Variants in ZNF862 observed in about 807,000 individuals in gnomAD.
The protein encoded by ZNF862 is zinc finger protein 862.
ZNF862 carries 64 observed loss-of-function variants against 91.1 expected under a neutral mutation model. The ratio of observed to expected loss-of-function variants is 0.70; its 90% CI spans 0.57 to 0.87. The LOEUF (loss-of-function observed/expected upper bound fraction) is 0.87. Among genes scored for constraint, ZNF862 ranks in the 40% least tolerant of loss-of-function variants. The probability of loss-of-function intolerance (pLI) is 0.00; values close to 1 mark genes in which losing one functional copy is unlikely to be tolerated. For missense variants in ZNF862, 1,459 were observed against 1,528.0 expected, an observed-to-expected ratio of 0.95 and a Z score of 0.75; for synonymous variants, 631 against 618.1, an observed-to-expected ratio of 1.02 and a Z score of -0.31.
intron 5 of ZNF862, chr7:149,852,523 A>G (rs1802101954): frequency 1.3e-5 from 2 of 152,252 alleles, no homozygotes. Context: ...CGCATGCCAC[A>G]ACACCTGGCT....
At position 149,861,783 on chromosome 7, in the gene ZNF862, G is replaced by A. The variant is rs370868711; in HGVS notation, c.2623G>A (p.Ala875Thr). The A allele has an allele frequency of 8.1e-6, 13 of 1,613,486 alleles. No homozygotes were observed. The highest frequency in any genetic ancestry group is 8.0e-5 in the African/African-American group (6 of 74,944). The part of the protein sequence containing the change: ...ITEVNATLGR[A>T]YVALESLRHQ... Reference sequence around the variant, plus strand: ...AGAGGTGAACGCCACGCTGGGCCGCGCCTACGTGGCACTGGAGAGCCTCCG... The same window carrying A: ...AGAGGTGAACGCCACGCTGGGCCGCACCTACGTGGCACTGGAGAGCCTCCG... The change falls in exon 7 of 8, where the codon GCC becomes ACC. Residue 875 changes from alanine (A) to threonine (T), a missense_variant. By Grantham distance (58) the Ala-to-Thr change is moderately conservative. Transcript: ENST00000223210. The surrounding 1 kb of genome is among the most constrained non-coding windows in gnomAD (Gnocchi z 6.7).
rs1586081330 is a variant in ZNF862, at chr7:149,866,499, G to C, written c.*2215G>C. ...CTTGAAGAATCCCTCAGAGCAGGAG[G>C]CCATCCTGTGAGCAGCCGTGAGTGG... is the stretch of plus-strand genomic sequence containing the variant. On this transcript the variant is annotated 3_prime_UTR_variant, in exon 8 of 8. Coordinates refer to ENST00000223210, the MANE Select transcript of ZNF862 (RefSeq NM_001099220.3). The C allele has an allele frequency of 6.6e-6, 1 of 152,198 alleles. No individual in the cohort carries two copies. Among genetic ancestry groups the C allele is most frequent in the Non-Finnish European group, 1.5e-5 (1 of 68,082 alleles). The allele number at this position is 152,198 out of a possible 1,614,324, so 9.4% of individuals were successfully genotyped here.
chr7:149,864,015 A>G (rs2128943609), intron 7 of ZNF862, 94 bp from the exon 8 acceptor site: 1 of 1,359,278 alleles, frequency 7.4e-7, no homozygotes, highest in Non-Finnish European at 1.0e-6. Context: ...CTGTTCTGCC[A>G]AGCTTTCCTC....
chr7:149,847,667 C>A (rs981614083), intron 3 of ZNF862, 68 bp from the exon 4 acceptor site: 10 of 1,068,862 alleles, frequency 9.4e-6, no homozygotes, highest in Non-Finnish European at 1.2e-5. Context: ...TACCTCAGAG[C>A]CCCTGTGAGT....
At position 149,846,873 on chromosome 7, in the gene ZNF862, TATC is replaced by T. The variant is rs532914901; in HGVS notation, c.241+621_241+623del. Among the ~76,000 whole-genome samples the T allele has an allele frequency of 9.8e-4, 150 of 152,358 alleles. 1 individual carries two copies. The highest frequency in any genetic ancestry group is 3.5e-3 in the African/African-American group (146 of 41,594). ...TAGACAGCTTTGTGACTCTGGAAAG[TATC>T]ATAGAGACAAATTTGTTTCATTTCC... On this transcript the variant is annotated intron_variant, in intron 3 of 7. Transcript: ENST00000223210.
At chr7:149,846,125 GCT>G (rs1801861648) in intron 2 of ZNF862, 24 bp from the exon 3 acceptor site, 1 of 1,511,220 alleles carries the variant, frequency 6.6e-7, no homozygotes, top group East Asian at 2.3e-5. Flanking sequence ...TCTCTCTCTC[GCT>G]CTCTTTTTTT....
chr7:149,862,337 C>T lies in ZNF862; in HGVS notation c.3177C>T (p.Asn1059=), dbSNP rs369787860. 19 of 1,613,256 alleles carry T rather than the reference C, an allele frequency of 1.2e-5. No individual in the cohort carries two copies. The Middle Eastern group carries it at 4.9e-4, about 42-fold the overall frequency. The change falls in exon 7 of 8, where the codon AAC becomes AAT. Residue 1059 remains asparagine, a synonymous_variant. Coordinates refer to ENST00000223210, the MANE Select transcript of ZNF862 (RefSeq NM_001099220.3). The part of the protein sequence containing the change: ...IRTDERTKLS[N]EVLNMLMMTA... ...CCGATGAGAGGACCAAGCTCTCCAA[C>T]GAGGTGCTCAACATGCTCATGATGA...
intron 4 of ZNF862, among the ~76,000 whole-genome samples, 157 bp downstream of exon 4, chr7:149,848,589 CATT>C (rs896825036): frequency 1.3e-5 from 2 of 152,174 alleles, no homozygotes; most frequent in African/African-American, 4.8e-5. Context: ...ATGGACTAGG[CATT>C]GTTTTAGACG....
At chr7:149,852,830 T>C (rs757522384) in intron 5 of ZNF862, 6 of 152,264 alleles carry the variant, frequency 3.9e-5, no homozygotes, top group African/African-American at 7.2e-5. Context: ...TGTCATCGTA[T>C]GCTGAGTGGC....
At position 149,852,898 on chromosome 7, in the gene ZNF862, G is replaced by A. The variant is rs547959588; in HGVS notation, c.1117+2560G>A. 2.2e-3 allele frequency among the ~76,000 whole-genome samples: 331 copies of A among 152,316 alleles called. 4 individuals carry two copies. In the South Asian group the frequency reaches 0.029, roughly 14 times the overall value. On this transcript the variant is annotated intron_variant, in intron 5 of 7. Coordinates refer to ENST00000223210, the MANE Select transcript of ZNF862 (RefSeq NM_001099220.3). ...AGGAGAAGTCGGTAACTACAGCCAG[G>A]CCTTACAGAGCTGGGGGAAGGCGTT...
In ZNF862 at chr7:149,845,022, G is replaced by A. The variant is rs191792248; in HGVS notation, c.136+286G>A. The A allele has an allele frequency of 6.8e-4, 247 of 360,718 alleles. 2 individuals carry two copies. Among genetic ancestry groups the A allele is most frequent in the East Asian group, 5.7e-3 (87 of 15,278 alleles). 22.3% of individuals were successfully genotyped at this position (360,718 alleles called of 1,614,324 possible). On this transcript the variant is annotated intron_variant, in intron 2 of 7. Coordinates refer to ENST00000223210, the MANE Select transcript of ZNF862 (RefSeq NM_001099220.3). ...GTGCCTCAGAATGCCCCAAGGGGCCGGGAGGGAAACTCGGAAACTAGGCCT... is the reference window on the plus strand; with the variant it reads ...GTGCCTCAGAATGCCCCAAGGGGCCAGGAGGGAAACTCGGAAACTAGGCCT...
Position 149,850,279 on chromosome 7 carries a change from G to A in ZNF862, c.1058G>A (p.Arg353Gln), listed in dbSNP as rs759294169. The change falls in exon 5 of 8, where the codon CGG becomes CAG. Residue 353 changes from arginine to glutamine, a missense_variant. Physicochemically the swap from Arg to Gln is conservative, Grantham distance 43. Transcript: ENST00000223210. The surrounding 1 kb of genome is among the most constrained non-coding windows in gnomAD (Gnocchi z 4.2). ...GAGGAGTGGGGCATGCTAGACAAGC[G>A]GCAGAAGGAGCTGTACAGAGACGTG... is the stretch of plus-strand genomic sequence containing the variant. ...TREEWGMLDK[R>Q]QKELYRDVMR... is the part of the protein sequence containing the mutation. 1.4e-5 allele frequency: 23 copies of A among 1,613,656 alleles called. No individual in the cohort carries two copies. Among genetic ancestry groups the A allele is most frequent in the East Asian group, 6.7e-5 (3 of 44,888 alleles).
rs1586050833 is a variant in ZNF862 at position 149,850,137 on chromosome 7, A to G, written c.940-24A>G. On this transcript the variant is annotated intron_variant, in intron 4 of 7. Coordinates refer to ENST00000223210, the MANE Select transcript of ZNF862 (RefSeq NM_001099220.3). This position sits in a 1 kb window ranked among gnomAD's most constrained non-coding sequence, Gnocchi z 4.2. ...GAGTCTGGCTCGGCAGGCGGTGCTG[A>G]GTGGCCGCTGCTCTTTGTTCCAGGA... 1 of 1,551,444 alleles carries G rather than the reference A, an allele frequency of 6.4e-7. No homozygotes were observed. Among genetic ancestry groups the G allele is most frequent in the Non-Finnish European group, 8.7e-7 (1 of 1,147,950 alleles).
rs1260070693 is a variant in ZNF862 at position 149,864,171 on chromosome 7, C to T, written c.3397C>T (p.Pro1133Ser). Residue 1133 changes from proline (P) to serine (S), a missense_variant, in exon 8 of 8, where the codon CCA becomes TCA. By Grantham distance (74) the Pro-to-Ser change is moderately conservative. Transcript: ENST00000223210. The part of the protein sequence containing the change: ...LYVEEPRTQK[P>S]PILPSREAAE... ...TGTGGAGGAGCCCAGGACCCAGAAG[C>T]CACCCATCCTGCCCTCCAGGGAAGC... 1.9e-6 allele frequency: 3 copies of T among 1,595,798 alleles called. No homozygotes were observed. In the Admixed American group the frequency reaches 5.2e-5, roughly 28 times the overall value.
intron 5 of ZNF862, 198 bp from the exon 6 acceptor site, chr7:149,859,224 C>T: frequency 1.6e-6 from 1 of 612,206 alleles, no homozygotes; most frequent in Admixed American, 2.6e-5. Flanking sequence ...AAGCCCTATC[C>T]TAGCTGAGGG....
At chr7:149,854,755 G>C (rs1262435589) in intron 5 of ZNF862, among the ~76,000 whole-genome samples, 1 of 152,244 alleles carries the variant, frequency 6.6e-6, no homozygotes, top group Non-Finnish European at 1.5e-5. Context: ...CCCAGGAGCT[G>C]CTCTCAGGTG....
chr7:149,858,394 T>C (rs1037621371), intron 5 of ZNF862: 1 of 152,172 alleles, frequency 6.6e-6, no homozygotes, highest in African/African-American at 2.4e-5. Context: ...TAACACACTT[T>C]AGTAATTTAC....
Position 149,838,515 on chromosome 7 carries a change from C to T in ZNF862, c.-97C>T. ...TCCCTCCCTACCTGGGTGCCCTCCC[C>T]CTCCGGGAGCCTGGGTCCCCGGGGC... On this transcript the variant is annotated 5_prime_UTR_variant, in exon 1 of 8. Transcript: ENST00000223210. 2 of 862,576 alleles carry T rather than the reference C, an allele frequency of 2.3e-6. No homozygotes were observed. Among genetic ancestry groups the T allele is most frequent in the Non-Finnish European group, 3.1e-6 (2 of 650,218 alleles). The allele number at this position is 862,576 out of a possible 1,614,324, so 53.4% of individuals were successfully genotyped here. A position where few individuals can be genotyped will look rare whatever the true frequency, so the allele number is the denominator to read the frequency against.
chr7:149,860,410 A>G lies in ZNF862; in HGVS notation c.1250A>G (p.Glu417Gly). 6.2e-7 allele frequency: 1 copy of G among 1,611,868 alleles called. No homozygotes were observed. Reference protein sequence around the residue: ...PGNKKMVAVREADTQASAADS... With the variant: ...PGNKKMVAVRGADTQASAADS... ...AACAAGAAGATGGTGGCAGTGAGAG[A>G]GGCAGACACACAGGCCTCGGCTGCA... Residue 417 changes from glutamate (E) to glycine (G), a missense_variant, in exon 7 of 8, where the codon GAG (glutamate) becomes GGG (glycine). By Grantham distance (98) the Glu-to-Gly change is moderately conservative. Coordinates refer to ENST00000223210, the MANE Select transcript of ZNF862 (RefSeq NM_001099220.3).
Sources: allele counts gnomAD v4.1 joint callset (sites outside exome capture counted in the v4.1 genomes callset), GRCh38; gene constraint gnomAD v4.1.1; non-coding constraint Gnocchi (gnomAD v3.1); transcripts MANE v1.5; gene names NCBI Gene and HGNC (gene_info 2026-07-23, HGNC 2026-07-21).